The following LIN52 variants were observed in gnomAD, a reference collection of about 807,000 sequenced individuals.
The protein encoded by LIN52 is protein lin-52 homolog.
Under a neutral mutation model 18.5 loss-of-function variants are expected in LIN52, and 4 were observed. The observed-to-expected ratio is 0.22, with a 90% confidence interval of 0.11 to 0.49. The LOEUF (loss-of-function observed/expected upper bound fraction) is 0.49, where lower values mean the gene tolerates loss of function less well. LIN52 is among the 20% of genes least tolerant of loss of function. The probability of loss-of-function intolerance (pLI) is 0.97; values close to 1 mark genes in which losing one functional copy is unlikely to be tolerated. For missense variants in LIN52, 102 were observed against 139.5 expected (o/e 0.73, Z 1.35); for synonymous variants, 34 against 45.5 (o/e 0.75, Z 1.02).
At chr14:74,174,439 A>T (rs920296327) in intron 5 of LIN52, 10 of 152,260 alleles carry the variant, frequency 6.6e-5, no homozygotes, top group African/African-American at 2.4e-4. Context: ...GAAAAGGTAG[A>T]GTAAAGATAC....
chr14:74,105,810 T>G (rs1175365574), intron 5 of LIN52, among the ~76,000 whole-genome samples: 1 of 152,132 alleles, frequency 6.6e-6, no homozygotes, highest in East Asian at 1.9e-4. Context: ...ATGCAAAAAA[T>G]ATTTGTCCTC....
chr14:74,177,189 G>A (rs1206888420), intron 5 of LIN52, among the ~76,000 whole-genome samples: 2 of 152,000 alleles, frequency 1.3e-5, no homozygotes, highest in African/African-American at 2.4e-5. Context: ...GTAGGGATGG[G>A]GTTTCTCCAT....
chr14:74,167,521 C>T (rs1252062933), intron 5 of LIN52, among the ~76,000 whole-genome samples: 1 of 152,156 alleles, frequency 6.6e-6, no homozygotes, highest in Non-Finnish European at 1.5e-5. Context: ...CCGCCTCAGC[C>T]TCCCAAAGTG....
chr14:74,160,621 T>C (rs1488760504), intron 5 of LIN52, among the ~76,000 whole-genome samples: 1 of 152,212 alleles, frequency 6.6e-6, no homozygotes, highest in Non-Finnish European at 1.5e-5. Context: ...CTTCTACAGT[T>C]TAGGCCATAC....
intron 5 of LIN52, among the ~76,000 whole-genome samples, chr14:74,171,901 G>C (rs2061273188): frequency 6.6e-6 from 1 of 151,958 alleles, no homozygotes; most frequent in Admixed American, 6.6e-5. Context: ...ACCAAACCTG[G>C]CTAATTTTTT....
chr14:74,150,548 C>T (rs1403142464), intron 5 of LIN52, among the ~76,000 whole-genome samples: 1 of 151,954 alleles, frequency 6.6e-6, no homozygotes, highest in Admixed American at 6.6e-5. Flanking sequence ...TGGGAGGGGG[C>T]CTGAGGAAGA....
At chr14:74,193,417 TAA>T (rs34984934) in intron 5 of LIN52, among the ~76,000 whole-genome samples, 171 of 147,612 alleles carry the variant, frequency 1.2e-3, no homozygotes, top group Admixed American at 1.6e-3. Flanking sequence ...TTGTCTCTTA[TAA>T]AAAAAAAAAA....
chr14:74,101,264 A>C, intron 5 of LIN52, 26 bp downstream of exon 5: 2 of 1,552,508 alleles, frequency 1.3e-6, no homozygotes, highest in Admixed American at 1.9e-5. Context: ...GCATTTGTTC[A>C]GGGGTGTATT....
chr14:74,194,062 C>A (rs1007875491), intron 5 of LIN52, among the ~76,000 whole-genome samples: 3 of 152,212 alleles, frequency 2.0e-5, no homozygotes, highest in Non-Finnish European at 1.5e-5. Flanking sequence ...AGAATTTTAT[C>A]AGGCAATTGC....
At chr14:74,189,364 C>A (rs1595192695) in intron 5 of LIN52, among the ~76,000 whole-genome samples, 2 of 152,298 alleles carry the variant, frequency 1.3e-5, no homozygotes, top group East Asian at 3.9e-4. Flanking sequence ...AGTATTAATT[C>A]ATTGCTCTGA....
intron 4 of LIN52, among the ~76,000 whole-genome samples, chr14:74,098,550 G>GT (rs201139743): frequency 0.22 from 31,535 of 140,258 alleles, 3,743 homozygotes; most frequent in South Asian, 0.46. Flanking sequence ...TTTAACTCTG[G>GT]TTTTTTTTTT....
intron 5 of LIN52, among the ~76,000 whole-genome samples, chr14:74,122,129 A>C (rs2061003735): frequency 6.6e-6 from 1 of 152,234 alleles, no homozygotes; most frequent in Admixed American, 6.5e-5. Flanking sequence ...AGTGTCATTA[A>C]CCAAAAAGGA....
At chr14:74,114,071 C>G (rs947392703) in intron 5 of LIN52, 3 of 899,522 alleles carry the variant, frequency 3.3e-6, no homozygotes, top group Non-Finnish European at 4.0e-6. Context: ...ACCCCTACCT[C>G]CCGGGCTCAA....
chr14:74,092,689 G>T (rs1473443728), intron 2 of LIN52, among the ~76,000 whole-genome samples: 1 of 151,504 alleles, frequency 6.6e-6, no homozygotes, highest in Non-Finnish European at 1.5e-5. Context: ...GGCCAATGCG[G>T]GTGGATCACT....
intron 5 of LIN52, among the ~76,000 whole-genome samples, chr14:74,180,184 G>C (rs2061312209): frequency 6.6e-6 from 1 of 151,994 alleles, no homozygotes; most frequent in Admixed American, 6.6e-5. Context: ...TATTTGCAAA[G>C]CTCTCTACCT....
chr14:74,195,807 C>T (rs1293514332), intron 5 of LIN52, among the ~76,000 whole-genome samples: 2 of 151,976 alleles, frequency 1.3e-5, no homozygotes, highest in East Asian at 1.9e-4. Context: ...TGTAGCAGGT[C>T]GGTAAGAATC....
At chr14:74,158,119 A>AT (rs373987542) in intron 5 of LIN52, among the ~76,000 whole-genome samples, 14,272 of 112,004 alleles carry the variant, frequency 0.13, 1,002 homozygotes, top group Admixed American at 0.22. Flanking sequence ...ATATATATAT[A>AT]TATATATTTT....
At chr14:74,157,015 G>C (rs1360271838) in intron 5 of LIN52, among the ~76,000 whole-genome samples, 1 of 147,826 alleles carries the variant, frequency 6.8e-6, no homozygotes, top group Admixed American at 7.0e-5. Context: ...CATTATGTAT[G>C]TATACCATAT....
At chr14:74,095,841 C>A in intron 2 of LIN52, 107 bp from the exon 3 acceptor site, 1 of 663,290 alleles carries the variant, frequency 1.5e-6, no homozygotes, top group Non-Finnish European at 2.4e-6. Flanking sequence ...TCTTTCTCTT[C>A]TTCTAAACTA....
Sources: gnomAD v4.1 joint callset for allele counts (sites outside exome capture counted in the v4.1 genomes callset) on GRCh38, gnomAD v4.1.1 for gene constraint, MANE v1.5 for transcripts, NCBI Gene and HGNC (gene_info 2026-07-23, HGNC 2026-07-21) for gene names.